The following LOC112694756 variants were observed in gnomAD, a reference collection of about 807,000 sequenced individuals.
the LOC112694756 span, among the ~76,000 whole-genome samples, chr16:30,060,668 G>A: frequency 6.6e-6 from 1 of 152,118 alleles, no homozygotes; most frequent in African/African-American, 2.4e-5. Context: ...GCCTCTCTCA[G>A]CCATGGGTTC....
At chr16:30,053,609 C>T in the LOC112694756 span, 2 of 152,730 alleles carry the variant, frequency 1.3e-5, no homozygotes, top group African/African-American at 4.8e-5. Flanking sequence ...CCAACAGAGA[C>T]TACAACCTGC....
the LOC112694756 span, among the ~76,000 whole-genome samples, chr16:30,056,043 C>CAGAGCTGGGTATTTTTTAAAACCTAT: frequency 6.6e-6 from 1 of 151,590 alleles, no homozygotes; most frequent in East Asian, 1.9e-4. Context: ...TCAAATGATC[C>CAGAGCTGGGTATTTTTTAAAACCTAT]ACCCGCCTTG....
the LOC112694756 span, chr16:30,066,738 TA>T: frequency 2.3e-6 from 2 of 855,194 alleles, no homozygotes; most frequent in Non-Finnish European, 3.6e-6. Flanking sequence ...AGCTGGGTTC[TA>T]ATCTCAGATC....
At chr16:30,068,574 G>C in the LOC112694756 span, 2 of 1,548,400 alleles carry the variant, frequency 1.3e-6, no homozygotes, top group East Asian at 4.5e-5. Context: ...CTGTACTCCA[G>C]CCGGGGCGAC....
chr16:30,061,289 C>T, the LOC112694756 span, among the ~76,000 whole-genome samples: 1 of 152,260 alleles, frequency 6.6e-6, no homozygotes, highest in African/African-American at 2.4e-5. Flanking sequence ...CTTCTTTCTT[C>T]TTTGCCTAAA....
At chr16:30,066,764 C>T in the LOC112694756 span, 5 of 1,118,756 alleles carry the variant, frequency 4.5e-6, no homozygotes, top group Non-Finnish European at 6.3e-6. Flanking sequence ...TCCGGGGTTG[C>T]TGTGTGGCTT....
the LOC112694756 span, chr16:30,068,930 C>A: frequency 6.2e-7 from 1 of 1,614,266 alleles, no homozygotes; most frequent in Non-Finnish European, 8.5e-7. Flanking sequence ...CCCTCGCCAT[C>A]ATGGAAAATG....
At chr16:30,068,108 G>A in the LOC112694756 span, 8 of 237,436 alleles carry the variant, frequency 3.4e-5, no homozygotes, top group Non-Finnish European at 5.8e-5. Flanking sequence ...TGTCTCCCAG[G>A]CTGGAGTGCA....
the LOC112694756 span, among the ~76,000 whole-genome samples, chr16:30,065,416 A>G: frequency 6.6e-6 from 1 of 152,038 alleles, no homozygotes; most frequent in African/African-American, 2.4e-5. Context: ...TTCGTTTCCG[A>G]CTTTTCCATC....
chr16:30,064,218 T>C, the LOC112694756 span: 3 of 397,606 alleles, frequency 7.5e-6, no homozygotes, highest in African/African-American at 6.2e-5. Flanking sequence ...TCAACCACAC[T>C]CCGTCCACGG....
At chr16:30,068,733 C>G in the LOC112694756 span, 3 of 1,614,228 alleles carry the variant, frequency 1.9e-6, no homozygotes, top group Non-Finnish European at 2.5e-6. Context: ...CCCTACGAAC[C>G]CAACCAGAGC....
the LOC112694756 span, among the ~76,000 whole-genome samples, chr16:30,059,724 G>A: frequency 4.0e-5 from 6 of 149,062 alleles, no homozygotes; most frequent in East Asian, 2.1e-4. Flanking sequence ...CACCATGCCC[G>A]GCTAAAGTTT....
At chr16:30,058,339 C>T in the LOC112694756 span, among the ~76,000 whole-genome samples, 2 of 152,162 alleles carry the variant, frequency 1.3e-5, no homozygotes, top group Non-Finnish European at 2.9e-5. Context: ...AATGTCTTGC[C>T]ACTTGGCAGC....
the LOC112694756 span, among the ~76,000 whole-genome samples, chr16:30,063,427 A>C: frequency 6.6e-6 from 1 of 152,104 alleles, no homozygotes; most frequent in East Asian, 1.9e-4. Context: ...CGGGAGGCCC[A>C]AATTCTAGCA....
chr16:30,053,682 T>A, the LOC112694756 span, among the ~76,000 whole-genome samples: 33 of 152,178 alleles, frequency 2.2e-4, 1 homozygote, highest in Admixed American at 2.0e-3. Flanking sequence ...AGGGCACATT[T>A]CTGGTATTCC....
chr16:30,068,960 T>C, the LOC112694756 span: 13 of 1,614,248 alleles, frequency 8.1e-6, no homozygotes, highest in Admixed American at 8.3e-5. Flanking sequence ...TGGCCCGTTA[T>C]GCCAGTATCT....
chr16:30,064,505 G>A, the LOC112694756 span: 2 of 398,694 alleles, frequency 5.0e-6, no homozygotes, highest in Non-Finnish European at 4.4e-6. Flanking sequence ...CTGAAGCACC[G>A]GTGAGTGGGC....
the LOC112694756 span, chr16:30,068,758 G>C: frequency 6.2e-7 from 1 of 1,614,168 alleles, no homozygotes; most frequent in Non-Finnish European, 8.5e-7. Context: ...TTGGGTGCTG[G>C]GAGGAGTGGA....
At chr16:30,069,892 A>C in the LOC112694756 span, 1 of 1,614,146 alleles carries the variant, frequency 6.2e-7, no homozygotes, top group Non-Finnish European at 8.5e-7. Flanking sequence ...CAATGCCATT[A>C]ACAAGTGCCC....
Sources: gnomAD v4.1 joint callset for allele counts (sites outside exome capture counted in the v4.1 genomes callset) on GRCh38, gnomAD v4.1.1 for gene constraint, MANE v1.5 for transcripts.